The following PDS5A variants were observed in gnomAD, a reference collection of about 807,000 sequenced individuals.
PDS5A encodes sister chromatid cohesion protein PDS5 homolog A.
A neutral mutation model predicts 167.1 loss-of-function variants in PDS5A; 42 were observed. That is an observed-to-expected ratio of 0.25 (90% CI 0.20 to 0.33). The LOEUF (loss-of-function observed/expected upper bound fraction) is 0.33. Ranked by LOEUF, PDS5A falls within the 10% of genes least tolerant of loss-of-function variation. PDS5A has a pLI of 1.00. For missense variants in PDS5A, 1,033 were observed against 1,605.9 expected (o/e 0.64, Z 6.10); for synonymous variants, 553 against 554.6 (o/e 1.00, Z 0.04).
chr4:39,975,936 T>G lies in PDS5A; in HGVS notation c.138+504A>C, dbSNP rs527467523. Among the ~76,000 whole-genome samples the G allele has an allele frequency of 7.2e-5, 11 of 152,354 alleles. No individual in the cohort carries two copies. The South Asian group carries it at 2.3e-3, about 32-fold the overall frequency. On this transcript the variant is annotated intron_variant, in intron 2 of 32. Transcript: ENST00000303538. ...TAATACTCTTAAACTCCTTTGAACGTATAGACTTAAATCATCTTACTTTAA... is the reference window on the plus strand; with the variant it reads ...TAATACTCTTAAACTCCTTTGAACGGATAGACTTAAATCATCTTACTTTAA...
At chr4:39,923,450 T>C (rs983903334) in intron 5 of PDS5A, among the ~76,000 whole-genome samples, 4 of 151,732 alleles carry the variant, frequency 2.6e-5, no homozygotes, top group African/African-American at 9.7e-5. Context: ...AAAATGTCAA[T>C]TTTAGCCTGG....
At chr4:39,948,840 G>C (rs566945405) in intron 2 of PDS5A, among the ~76,000 whole-genome samples, 1 of 152,132 alleles carries the variant, frequency 6.6e-6, no homozygotes, top group South Asian at 2.1e-4. Flanking sequence ...GGCCAGGCTG[G>C]TCTTGAATTC....
At chr4:39,869,944 TAA>T (rs1560441750) in intron 21 of PDS5A, among the ~76,000 whole-genome samples, 1 of 152,012 alleles carries the variant, frequency 6.6e-6, no homozygotes, top group African/African-American at 2.4e-5. Flanking sequence ...CTGCCTCTTC[TAA>T]AAACACAAAA....
chr4:39,877,515 A>G (rs1468696300), intron 18 of PDS5A, among the ~76,000 whole-genome samples: 1 of 152,224 alleles, frequency 6.6e-6, no homozygotes, highest in Non-Finnish European at 1.5e-5. Flanking sequence ...ATTTAGGTGA[A>G]GGAATGCTTA....
chr4:39,830,481 C>T (rs761193055), intron 32 of PDS5A, among the ~76,000 whole-genome samples: 2 of 152,146 alleles, frequency 1.3e-5, no homozygotes, highest in Admixed American at 6.5e-5. Flanking sequence ...ATGGAGTGCA[C>T]TGGCAAGATC....
At chr4:39,947,403 T>C (rs1727880441) in intron 2 of PDS5A, among the ~76,000 whole-genome samples, 1 of 151,722 alleles carries the variant, frequency 6.6e-6, no homozygotes. Context: ...TGAGCCAAGA[T>C]CATGCCACTG....
chr4:39,936,557 G>T (rs1726628974), intron 2 of PDS5A, among the ~76,000 whole-genome samples: 1 of 151,992 alleles, frequency 6.6e-6, no homozygotes. Context: ...GCCTCAGCCT[G>T]CCCTAATAGC....
chr4:39,861,910 C>G (rs1198445230), intron 26 of PDS5A, among the ~76,000 whole-genome samples: 6 of 152,182 alleles, frequency 3.9e-5, no homozygotes, highest in Admixed American at 3.9e-4. Context: ...CTTCAGTACT[C>G]TTCCCATATT....
chr4:39,884,913 A>G (rs1196947432), intron 17 of PDS5A, among the ~76,000 whole-genome samples: 1 of 150,608 alleles, frequency 6.6e-6, no homozygotes, highest in Non-Finnish European at 1.5e-5. Flanking sequence ...GGACATATGT[A>G]TAGGGGGGAA....
intron 30 of PDS5A, among the ~76,000 whole-genome samples, chr4:39,843,820 G>A (rs1202159047): frequency 6.6e-6 from 1 of 152,024 alleles, no homozygotes; most frequent in Non-Finnish European, 1.5e-5. Flanking sequence ...GTTTCAAAGT[G>A]TGCAGTACAT....
At chr4:39,930,709 CTCTT>C (rs534386243) in intron 2 of PDS5A, among the ~76,000 whole-genome samples, 2 of 152,144 alleles carry the variant, frequency 1.3e-5, no homozygotes, top group Non-Finnish European at 2.9e-5. Context: ...GCAGTGATCC[CTCTT>C]TTTTTCTAAC....
rs57432451 is a variant in PDS5A, at chr4:39,870,587, C to CAAAAT, written c.2437-1130_2437-1126dup. Among the ~76,000 whole-genome samples the CAAAAT allele has an allele frequency of 3.1e-3, 457 of 148,796 alleles. 1 individual carries two copies. The highest frequency in any genetic ancestry group is 0.011 in the East Asian group (54 of 5,018). ...TGGGTGACAGAGTGAGACCATGTCT[C>CAAAAT]AAAATAAAATAAAATAAAATAAAAT... is the stretch of plus-strand genomic sequence containing the variant. On this transcript the variant is annotated intron_variant, in intron 21 of 32. Coordinates refer to ENST00000303538, the MANE Select transcript of PDS5A (RefSeq NM_001100399.2).
chr4:39,958,417 G>A (rs1729166504), intron 2 of PDS5A, among the ~76,000 whole-genome samples: 1 of 148,934 alleles, frequency 6.7e-6, no homozygotes, highest in African/African-American at 2.5e-5. Context: ...TGAGCCAGGA[G>A]AATCGCTTGA....
At chr4:39,897,690 T>C (rs183359610) in intron 16 of PDS5A, among the ~76,000 whole-genome samples, 6 of 152,246 alleles carry the variant, frequency 3.9e-5, no homozygotes, top group African/African-American at 1.4e-4. Context: ...TGAGCCAATG[T>C]GCATGGCCTC....
chr4:39,929,397 A>G (rs1403547014), intron 2 of PDS5A, among the ~76,000 whole-genome samples: 4 of 151,404 alleles, frequency 2.6e-5, no homozygotes, highest in African/African-American at 9.7e-5. Flanking sequence ...CCCGTGCTGG[A>G]TGCTTCCTGC....
At chr4:39,863,671 A>G (rs75564973) in intron 23 of PDS5A, among the ~76,000 whole-genome samples, 3,778 of 152,226 alleles carry the variant, frequency 0.025, 160 homozygotes, top group East Asian at 0.18. Flanking sequence ...TCTGATTACA[A>G]ATTTACCTGC....
At chr4:39,827,029 T>G (rs932923468) in intron 32 of PDS5A, among the ~76,000 whole-genome samples, 3 of 151,478 alleles carry the variant, frequency 2.0e-5, no homozygotes, top group African/African-American at 7.3e-5. Context: ...TGAGGCAGAG[T>G]CTTGCTCTGT....
Position 39,862,951 on chromosome 4 carries a change from C to T in PDS5A, c.2889G>A (p.Glu963=), listed in dbSNP as rs1289599817. The T allele has an allele frequency of 1.2e-6, 2 of 1,613,454 alleles. No individual in the cohort carries two copies. Among genetic ancestry groups the T allele is most frequent in the African/African-American group, 2.7e-5 (2 of 74,934 alleles). ...AACATTGTCGTGCGTGTGCTCTTCT[C>T]TCCTTCACAGGATCTTTGGCACACA... The part of the protein sequence containing the change: ...FALCAKDPVK[E]RRAHARQCLL... The change falls in exon 25 of 33, where the codon GAG becomes GAA. Residue 963 remains glutamate, a synonymous_variant. Transcript: ENST00000303538.
At chr4:39,849,096 T>C (rs1717890711) in intron 27 of PDS5A, 126 bp from the exon 28 acceptor site, 2 of 705,460 alleles carry the variant, frequency 2.8e-6, no homozygotes, top group Admixed American at 3.0e-5. Flanking sequence ...TCCTTGAACA[T>C]TCCATATTTC....
Sources: allele counts gnomAD v4.1 joint callset (sites outside exome capture counted in the v4.1 genomes callset), GRCh38; gene constraint gnomAD v4.1.1; transcripts MANE v1.5; gene names NCBI Gene and HGNC (gene_info 2026-07-23, HGNC 2026-07-21).